Variants in MYO16 observed in about 807,000 individuals in gnomAD.
The protein encoded by MYO16 is unconventional myosin-XVI.
MYO16 carries 94 observed loss-of-function variants against 205.3 expected under a neutral mutation model. The ratio of observed to expected loss-of-function variants is 0.46; its 90% CI spans 0.39 to 0.54. MYO16 has a LOEUF of 0.54. Among genes scored for constraint, MYO16 ranks in the 20% least tolerant of loss-of-function variants. The probability of loss-of-function intolerance (pLI) is 0.00; values close to 1 mark genes in which losing one functional copy is unlikely to be tolerated. For missense variants in MYO16, 2,315 were observed against 2,387.5 expected (o/e 0.97, Z 0.63); for synonymous variants, 988 against 954.0 (o/e 1.04, Z -0.66).
chr13:108,623,425 G>T (rs1879613867), intron 1 of MYO16, among the ~76,000 whole-genome samples: 1 of 152,038 alleles, frequency 6.6e-6, no homozygotes, highest in Non-Finnish European at 1.5e-5. Flanking sequence ...TAGCAACAAG[G>T]GAATTCATTT....
At chr13:109,171,929 A>T (rs1490679739) in intron 33 of MYO16, among the ~76,000 whole-genome samples, 2 of 152,222 alleles carry the variant, frequency 1.3e-5, no homozygotes, top group African/African-American at 4.8e-5. Context: ...TCAATGCACA[A>T]TAAGGGTTAT....
At chr13:108,570,141 A>G in the MYO16 span, among the ~76,000 whole-genome samples, 4 of 152,102 alleles carry the variant, frequency 2.6e-5, no homozygotes, top group African/African-American at 9.7e-5. Flanking sequence ...ATAATTACTT[A>G]GGGTGTGTTT....
chr13:108,600,642 G>A (rs1030149078), intron 1 of MYO16, among the ~76,000 whole-genome samples: 1 of 152,146 alleles, frequency 6.6e-6, no homozygotes, highest in Non-Finnish European at 1.5e-5. Context: ...CCTAGAGCTA[G>A]TGTCATGGCT....
intron 9 of MYO16, among the ~76,000 whole-genome samples, chr13:108,842,661 C>A (rs566524709): frequency 6.6e-6 from 1 of 152,146 alleles, no homozygotes; most frequent in South Asian, 2.1e-4. Flanking sequence ...TGTGGGGATG[C>A]AAAGTGGTAT....
At chr13:108,996,200 A>G (rs1884998200) in intron 21 of MYO16, among the ~76,000 whole-genome samples, 1 of 152,242 alleles carries the variant, frequency 6.6e-6, no homozygotes, top group African/African-American at 2.4e-5. Flanking sequence ...TACTAGTGTA[A>G]AAAATATAGT....
At chr13:108,508,344 G>C in the MYO16 span, among the ~76,000 whole-genome samples, 1 of 152,184 alleles carries the variant, frequency 6.6e-6, no homozygotes, top group African/African-American at 2.4e-5. Context: ...AGAGGTTCTG[G>C]AGGCCTCTCA....
chr13:108,857,820 A>G (rs1044897750), intron 11 of MYO16, among the ~76,000 whole-genome samples: 1 of 152,156 alleles, frequency 6.6e-6, no homozygotes, highest in Admixed American at 6.5e-5. Context: ...ACAGTGGACT[A>G]TCTTCTTAAA....
At chr13:109,073,921 G>A (rs1395851019) in intron 27 of MYO16, among the ~76,000 whole-genome samples, 2 of 152,122 alleles carry the variant, frequency 1.3e-5, no homozygotes, top group African/African-American at 2.4e-5. Flanking sequence ...TCTCAAGCTC[G>A]GTTCACCTGA....
At chr13:108,516,443 G>C in the MYO16 span, among the ~76,000 whole-genome samples, 2 of 152,116 alleles carry the variant, frequency 1.3e-5, no homozygotes, top group African/African-American at 2.4e-5. Flanking sequence ...CTTCTGCGTC[G>C]CTCACGCTGG....
chr13:109,088,050 G>A (rs984964003), intron 27 of MYO16, among the ~76,000 whole-genome samples: 2 of 152,226 alleles, frequency 1.3e-5, no homozygotes, highest in African/African-American at 4.8e-5. Context: ...GCTGGGCTCA[G>A]TGTCCTCCTG....
At chr13:109,132,842 T>C (rs1025782221) in intron 31 of MYO16, among the ~76,000 whole-genome samples, 3 of 152,180 alleles carry the variant, frequency 2.0e-5, no homozygotes, top group African/African-American at 7.2e-5. Context: ...GCCTGGATTC[T>C]CCCCGAGGAT....
intron 14 of MYO16, among the ~76,000 whole-genome samples, chr13:108,891,223 G>T (rs1216708751): frequency 6.6e-6 from 1 of 152,214 alleles, no homozygotes; most frequent in Non-Finnish European, 1.5e-5. Context: ...CATTTGGCCT[G>T]TGTGTGTTTC....
intron 2 of MYO16, among the ~76,000 whole-genome samples, chr13:108,687,979 A>G (rs1216743659): frequency 6.6e-6 from 1 of 152,168 alleles, no homozygotes; most frequent in East Asian, 1.9e-4. Flanking sequence ...GAGTGACTAT[A>G]GGTTTTTCAC....
chr13:108,798,950 C>G (rs911708006), intron 6 of MYO16, among the ~76,000 whole-genome samples: 3 of 149,804 alleles, frequency 2.0e-5, no homozygotes, highest in Non-Finnish European at 4.5e-5. Context: ...CATGATCCAC[C>G]CGCCTCGGCC....
Position 109,140,462 on chromosome 13 carries a change from C to G in MYO16, c.4250C>G (p.Ala1417Gly). 3 of 1,537,792 alleles carry G rather than the reference C, an allele frequency of 2.0e-6. No homozygotes were observed. Among genetic ancestry groups the G allele is most frequent in the Non-Finnish European group, 2.6e-6 (3 of 1,150,586 alleles). The change falls in exon 32 of 35, where the codon GCG (alanine) becomes GGG (glycine). Residue 1417 changes from alanine (A) to glycine (G), a missense_variant. Physicochemically the swap from Ala to Gly is moderately conservative, Grantham distance 60 (BLOSUM62 0). This residue lies in a region of MYO16 where 1,097 missense variants were observed against 1,092.0 expected (regional missense o/e 1.00). Coordinates refer to ENST00000457511, the MANE Select transcript of MYO16 (RefSeq NM_001198950.3). This position sits in a 1 kb window ranked among gnomAD's most constrained non-coding sequence, Gnocchi z 8.0. ...CTGACCCCCGGGACTCCGCAGTGCG[C>G]GCTGCCCCCGGCGGCGCCTCCGGGT... ...RVLTPGTPQC[A>G]LPPAAPPGDE...
At chr13:108,731,264 G>A (rs1455546661) in intron 4 of MYO16, among the ~76,000 whole-genome samples, 1 of 152,194 alleles carries the variant, frequency 6.6e-6, no homozygotes, top group Non-Finnish European at 1.5e-5. Context: ...TAGATGCTTA[G>A]TGTATGCTTG....
chr13:108,869,764 AC>A (rs1878954943), intron 12 of MYO16, among the ~76,000 whole-genome samples: 4 of 137,508 alleles, frequency 2.9e-5, no homozygotes, highest in Admixed American at 1.5e-4. Context: ...AAAAAAAGAA[AC>A]CACACATAAA....
intron 27 of MYO16, among the ~76,000 whole-genome samples, chr13:109,061,110 A>AC (rs34044355): frequency 0.5 from 75,116 of 151,626 alleles, 18,596 homozygotes; most frequent in Middle Eastern, 0.55. Context: ...CAGTTTCCTC[A>AC]CCTCTCTCAG....
At chr13:109,195,745 A>G in intron 34 of MYO16, among the ~76,000 whole-genome samples, 1 of 152,130 alleles carries the variant, frequency 6.6e-6, no homozygotes. Flanking sequence ...CAGCAACATG[A>G]TTTTACATAT....
Sources: gnomAD v4.1 joint callset for allele counts (sites outside exome capture counted in the v4.1 genomes callset) on GRCh38, gnomAD v4.1.1 for gene constraint, gnomAD v4.1.1 regional missense constraint, Gnocchi (gnomAD v3.1) non-coding constraint, MANE v1.5 for transcripts, NCBI Gene and HGNC (gene_info 2026-07-23, HGNC 2026-07-21) for gene names.